Variants in AKAP14 observed in about 807,000 individuals in gnomAD.
The protein encoded by AKAP14 is A-kinase anchor protein 14.
In AKAP14, 4 loss-of-function variants were observed where a neutral mutation model predicts 17.0. The ratio of observed to expected loss-of-function variants is 0.23; its 90% CI spans 0.12 to 0.54. AKAP14 has a LOEUF of 0.54. Among genes scored for constraint, AKAP14 ranks in the 20% least tolerant of loss-of-function variants. AKAP14 has a pLI of 0.95. For missense variants in AKAP14, 129 were observed against 150.9 expected, an observed-to-expected ratio of 0.85 and a Z score of 0.76; for synonymous variants, 42 against 51.3, an observed-to-expected ratio of 0.82 and a Z score of 0.77.
intron 4 of AKAP14, among the ~76,000 whole-genome samples, chrX:119,903,986 G>A (rs999655279): frequency 9.0e-6 from 1 of 111,159 alleles, no homozygotes; most frequent in Non-Finnish European, 1.9e-5. Context: ...CTCTGTCACC[G>A]AGGCTGCAGT....
At chrX:119,899,158 C>T (rs1461538007) in intron 2 of AKAP14, among the ~76,000 whole-genome samples, 2 of 74,574 alleles carry the variant, frequency 2.7e-5, no homozygotes, top group Non-Finnish European at 4.6e-5. Flanking sequence ...CAGAACAAGA[C>T]TCTGTCTCAA....
chrX:119,903,357 A>G lies in AKAP14; in HGVS notation c.134A>G (p.Glu45Gly), dbSNP rs762945187. 3 of 1,212,125 alleles carry G rather than the reference A, an allele frequency of 2.5e-6. No homozygotes were observed. Among genetic ancestry groups the G allele is most frequent in the Non-Finnish European group, 3.3e-6 (3 of 895,639 alleles). The change falls in exon 3 of 7, where the codon GAG (glutamate) becomes GGG (glycine). Residue 45 changes from glutamate (E) to glycine (G), a missense_variant. Coordinates refer to ENST00000371431, the MANE Select transcript of AKAP14 (RefSeq NM_178813.6). ...ELTQVALALV[E>G]DVINYAVKIV... ...ACTCAAGTAGCTCTAGCTCTGGTTG[A>G]GGATGTCATCAATTATGCTGTTAAG...
chrX:119,903,756 AG>A, intron 4 of AKAP14, 170 bp downstream of exon 4: 1 of 900,431 alleles, frequency 1.1e-6, no homozygotes, highest in Non-Finnish European at 1.5e-6. Context: ...AAGGTGGGAT[AG>A]TCTTTGAAGG....
intron 4 of AKAP14, among the ~76,000 whole-genome samples, chrX:119,913,996 A>G (rs2056642523): frequency 9.0e-6 from 1 of 111,172 alleles, no homozygotes; most frequent in East Asian, 2.8e-4. Context: ...GCACTTTGGG[A>G]GGCCAAGGTG....
chrX:119,904,711 C>T (rs1174918183), intron 4 of AKAP14, among the ~76,000 whole-genome samples: 1 of 111,027 alleles, frequency 9.0e-6, no homozygotes, highest in Admixed American at 9.7e-5. Flanking sequence ...GGTGAAACCC[C>T]GTCTCTATTA....
At chrX:119,898,071 G>A (rs2056541262) in intron 2 of AKAP14, among the ~76,000 whole-genome samples, 1 of 112,674 alleles carries the variant, frequency 8.9e-6, no homozygotes, top group Non-Finnish European at 1.9e-5. Context: ...GCTGAGGCAG[G>A]AGAATTGCTT....
At chrX:119,901,796 G>T (rs2056567698) in intron 2 of AKAP14, among the ~76,000 whole-genome samples, 1 of 109,232 alleles carries the variant, frequency 9.2e-6, no homozygotes, top group Non-Finnish European at 1.9e-5. Flanking sequence ...GATCACCTGA[G>T]GTCAAGAGTT....
intron 4 of AKAP14, among the ~76,000 whole-genome samples, chrX:119,904,636 G>C (rs758807961): frequency 8.9e-6 from 1 of 112,020 alleles, no homozygotes; most frequent in South Asian, 3.7e-4. Context: ...TGTAAGCCCA[G>C]CACTTTGGGA....
rs1296741479 is a variant in AKAP14, at chrX:119,914,897, C to G, written c.441+19C>G. 26 of 1,186,014 alleles carry G rather than the reference C, an allele frequency of 2.2e-5. No individual in the cohort carries two copies. The highest frequency in any genetic ancestry group is 3.0e-5 in the Non-Finnish European group (26 of 877,636). On this transcript the variant is annotated intron_variant, in intron 5 of 6. Coordinates refer to ENST00000371431, the MANE Select transcript of AKAP14 (RefSeq NM_178813.6). Reference sequence around the variant, plus strand: ...ACCACCGGTAAGTTCTTCTTTTTCTCCCTTCAGTGAGGCTTCAGTGAGAAT... The same window carrying G: ...ACCACCGGTAAGTTCTTCTTTTTCTGCCTTCAGTGAGGCTTCAGTGAGAAT...
At chrX:119,898,441 CT>C (rs758167262) in intron 2 of AKAP14, among the ~76,000 whole-genome samples, 1 of 112,389 alleles carries the variant, frequency 8.9e-6, no homozygotes, top group Non-Finnish European at 1.9e-5. Context: ...GCCAGGTTGC[CT>C]TTTGCAGTAT....
chrX:119,916,452 CT>C (rs1372798917), intron 5 of AKAP14, among the ~76,000 whole-genome samples: 2 of 107,002 alleles, frequency 1.9e-5, no homozygotes, highest in Non-Finnish European at 3.8e-5. Context: ...ATCTATCTAT[CT>C]ATCTATCTAT....
At chrX:119,919,873 G>C in intron 5 of AKAP14, 38 bp from the exon 6 acceptor site, 1 of 1,190,561 alleles carries the variant, frequency 8.4e-7, no homozygotes, top group Non-Finnish European at 1.1e-6. Context: ...GAGTTGGTAT[G>C]ACTGGTCTGG....
chrX:119,898,517 C>A (rs955002636), intron 2 of AKAP14, among the ~76,000 whole-genome samples: 1 of 110,964 alleles, frequency 9.0e-6, no homozygotes, highest in East Asian at 2.8e-4. Context: ...TTTGTCCGGG[C>A]GTGGTGGCTC....
intron 2 of AKAP14, among the ~76,000 whole-genome samples, chrX:119,901,516 C>G (rs1398988160): frequency 9.1e-6 from 1 of 109,896 alleles, no homozygotes; most frequent in Admixed American, 9.8e-5. Context: ...ACCAGCCTGG[C>G]CAACATGGTG....
Position 119,920,670 on chromosome X carries a change from C to T in AKAP14, c.*63C>T, listed in dbSNP as rs148465576. 3,325 of 792,533 alleles carry T rather than the reference C, an allele frequency of 4.2e-3. 78 individuals carry two copies. In the African/African-American group the frequency reaches 0.059, roughly 14 times the overall value. The allele number at this position is 792,533 out of a possible 1,213,427, so 65.3% of individuals were successfully genotyped here. On this transcript the variant is annotated 3_prime_UTR_variant, in exon 7 of 7. Coordinates refer to ENST00000371431, the MANE Select transcript of AKAP14 (RefSeq NM_178813.6). ...GATACATTAAAAATACAATACAGCA[C>T]GTCAAACCACAGAATATTTATTGAG...
chrX:119,904,410 G>A (rs764181184), intron 4 of AKAP14, among the ~76,000 whole-genome samples: 78 of 112,839 alleles, frequency 6.9e-4, no homozygotes, highest in Non-Finnish European at 1.3e-3. Flanking sequence ...CAGCTTTGCT[G>A]AGAAGGCCCT....
At chrX:119,899,615 G>A (rs1039531178) in intron 2 of AKAP14, among the ~76,000 whole-genome samples, 1 of 111,269 alleles carries the variant, frequency 9.0e-6, no homozygotes, top group Non-Finnish European at 1.9e-5. Context: ...AAAACCACCA[G>A]GGACATACAT....
At chrX:119,920,050 G>A (rs2056680410) in intron 6 of AKAP14, 87 bp downstream of exon 6, 3 of 954,609 alleles carry the variant, frequency 3.1e-6, no homozygotes, top group Non-Finnish European at 4.5e-6. Flanking sequence ...ACAACAGATA[G>A]TTCATGTAAT....
Position 119,903,149 on chromosome X carries a change from C to T in AKAP14, c.-10-65C>T, listed in dbSNP as rs751366184. 5.8e-6 allele frequency: 6 copies of T among 1,034,519 alleles called. No individual in the cohort carries two copies. The South Asian group carries it at 1.1e-4, about 19-fold the overall frequency. The allele number at this position is 1,034,519 out of a possible 1,213,427, so 85.3% of individuals were successfully genotyped here. A position where few individuals can be genotyped will look rare whatever the true frequency, so the allele number is the denominator to read the frequency against. ...GTGATTCTTCAAGAGATGATCTGTACTTATATGAGTGCGTTCACATGTGTG... is the reference window on the plus strand; with the variant it reads ...GTGATTCTTCAAGAGATGATCTGTATTTATATGAGTGCGTTCACATGTGTG... On this transcript the variant is annotated intron_variant, in intron 2 of 6. Coordinates refer to ENST00000371431, the MANE Select transcript of AKAP14 (RefSeq NM_178813.6).
Sources: gnomAD v4.1 joint callset for allele counts (sites outside exome capture counted in the v4.1 genomes callset) on GRCh38, gnomAD v4.1.1 for gene constraint, MANE v1.5 for transcripts, NCBI Gene and HGNC (gene_info 2026-07-23, HGNC 2026-07-21) for gene names.